SPTBN1: variants seen among roughly 807,000 people sequenced by gnomAD.
SPTBN1 encodes spectrin beta, non-erythrocytic 1, also known as spectrin beta chain, non-erythrocytic 1.
A neutral mutation model predicts 266.4 loss-of-function variants in SPTBN1; 32 were observed. The observed-to-expected ratio is 0.12, with a 90% confidence interval of 0.09 to 0.16. The LOEUF is 0.16. Ranked by LOEUF, SPTBN1 falls within the 10% of genes least tolerant of loss-of-function variation. The pLI is 1.00. For synonymous variants in SPTBN1, 1,336 were observed against 1,162.2 expected (o/e 1.15, Z -3.04); for missense variants, 2,296 against 3,067.1 (o/e 0.75, Z 5.94).
At chr2:54,465,232 C>T (rs12621180) in intron 1 of SPTBN1, among the ~76,000 whole-genome samples, 5,548 of 152,158 alleles carry the variant, frequency 0.036, 281 homozygotes, top group East Asian at 0.13. Flanking sequence ...TGTATTAATT[C>T]TCTACACTAA....
intron 2 of SPTBN1, among the ~76,000 whole-genome samples, chr2:54,576,689 T>A (rs993539895): frequency 2.0e-5 from 3 of 152,168 alleles, no homozygotes; most frequent in Non-Finnish European, 4.4e-5. Flanking sequence ...TGAAGATCAC[T>A]GAGGGAGCCA....
intron 29 of SPTBN1, among the ~76,000 whole-genome samples, chr2:54,656,940 C>T (rs1680707396): frequency 6.6e-6 from 1 of 152,210 alleles, no homozygotes; most frequent in Non-Finnish European, 1.5e-5. Flanking sequence ...CAGTAAGTCC[C>T]TAGTGCAGAG....
At position 54,668,599 on chromosome 2, in the gene SPTBN1, T is replaced by G; in HGVS notation, c.*30T>G. On this transcript the variant is annotated 3_prime_UTR_variant, in exon 36 of 36. Coordinates refer to ENST00000356805, the MANE Select transcript of SPTBN1 (RefSeq NM_003128.3). The stretch of plus-strand genomic sequence containing the variant: ...CTTTCCTTCACCTCCTGCCCTTCTC[T>G]TACCTTTTCAGTGAAATTCCAGCAT... 6.4e-7 allele frequency: 1 copy of G among 1,570,128 alleles called. No individual in the cohort carries two copies. Among genetic ancestry groups the G allele is most frequent in the Non-Finnish European group, 8.7e-7 (1 of 1,155,588 alleles).
chr2:54,532,133 C>G (rs1390587323), intron 2 of SPTBN1, among the ~76,000 whole-genome samples: 1 of 152,022 alleles, frequency 6.6e-6, no homozygotes, highest in Non-Finnish European at 1.5e-5. Context: ...GCTAAAAATA[C>G]AAAAAATTAG....
At position 54,649,544 on chromosome 2, in the gene SPTBN1, G is replaced by C; in HGVS notation, c.5203-71G>C. ...GCTTAGAGGCAGTTTCTTTCCAAAG[G>C]GTATTCATGTGATCAAGAAATACAG... On this transcript the variant is annotated intron_variant, in intron 25 of 35. Coordinates refer to ENST00000356805, the MANE Select transcript of SPTBN1 (RefSeq NM_003128.3). This position sits in a 1 kb window ranked among gnomAD's most constrained non-coding sequence, Gnocchi z 6.7. 5.8e-6 allele frequency: 9 copies of C among 1,545,692 alleles called. No individual in the cohort carries two copies. Among genetic ancestry groups the C allele is most frequent in the Non-Finnish European group, 7.0e-6 (8 of 1,143,672 alleles).
Position 54,593,468 on chromosome 2 carries a change from C to T in SPTBN1, c.149-5624C>T, listed in dbSNP as rs181655271. ...TGGACTGCCAGAGCTGCAGCTGCCT[C>T]GAGTCCTGGGTTGTGTTGGTAGGTA... On this transcript the variant is annotated intron_variant, in intron 2 of 35. Coordinates refer to ENST00000356805, the MANE Select transcript of SPTBN1 (RefSeq NM_003128.3). Among the ~76,000 whole-genome samples, 36 of 152,188 alleles carry T rather than the reference C, an allele frequency of 2.4e-4. No homozygotes were observed. The East Asian group carries it at 2.5e-3, about 11-fold the overall frequency.
chr2:54,670,004 T>A lies in SPTBN1; in HGVS notation c.*1435T>A, dbSNP rs1230672863. ...TATTTTAGGCTTTGTAGGCCGTAAC[T>A]GTCTCTGTTGCTCAATTCTGCTGTT... On this transcript the variant is annotated 3_prime_UTR_variant, in exon 36 of 36. Coordinates refer to ENST00000356805, the MANE Select transcript of SPTBN1 (RefSeq NM_003128.3). The A allele has an allele frequency of 6.6e-6, 1 of 152,236 alleles. No individual in the cohort carries two copies. The highest frequency in any genetic ancestry group is 1.9e-4 in the East Asian group (1 of 5,204). The allele number at this position is 152,236 out of a possible 1,614,324, so 9.4% of individuals were successfully genotyped here. A position where few individuals can be genotyped will look rare whatever the true frequency, so the allele number is the denominator to read the frequency against.
intron 2 of SPTBN1, among the ~76,000 whole-genome samples, chr2:54,581,577 C>CTTTTT (rs70944181): frequency 0.039 from 3,973 of 102,118 alleles, 240 homozygotes; most frequent in African/African-American, 0.14. Context: ...TTTCTTTGCC[C>CTTTTT]TTTTTTTTTT....
intron 1 of SPTBN1, among the ~76,000 whole-genome samples, chr2:54,511,582 G>T (rs1200897277): frequency 6.6e-6 from 1 of 152,012 alleles, no homozygotes; most frequent in East Asian, 1.9e-4. Context: ...AAATAATTCT[G>T]GCCGGACATG....
intron 32 of SPTBN1, chr2:54,662,419 C>A: frequency 1.4e-6 from 1 of 705,982 alleles, no homozygotes; most frequent in Non-Finnish European, 1.7e-6. Flanking sequence ...ATTTTTGCTG[C>A]AGAATTATCC....
chr2:54,585,080 A>G (rs1675200650), intron 2 of SPTBN1, among the ~76,000 whole-genome samples: 1 of 152,198 alleles, frequency 6.6e-6, no homozygotes, highest in South Asian at 2.1e-4. Context: ...AACAACAGAA[A>G]AATCAGATCT....
chr2:54,587,034 C>G (rs1675340603), intron 2 of SPTBN1, among the ~76,000 whole-genome samples: 1 of 152,126 alleles, frequency 6.6e-6, no homozygotes. Context: ...GGCCGGGGAG[C>G]ATGTTATTTG....
At chr2:54,516,500 T>C (rs1670117625) in intron 1 of SPTBN1, among the ~76,000 whole-genome samples, 1 of 152,332 alleles carries the variant, frequency 6.6e-6, no homozygotes, top group East Asian at 1.9e-4. Flanking sequence ...GATTGAGTTG[T>C]TTAACTCTTG....
intron 29 of SPTBN1, 34 bp downstream of exon 29, chr2:54,656,032 G>A (rs1572766516): frequency 1.3e-6 from 2 of 1,550,624 alleles, no homozygotes; most frequent in Non-Finnish European, 8.9e-7. Context: ...GCTCTTTTGG[G>A]TATCAATGGA....
At chr2:54,658,767 C>T (rs1680842445) in intron 30 of SPTBN1, among the ~76,000 whole-genome samples, 2 of 152,302 alleles carry the variant, frequency 1.3e-5, no homozygotes, top group African/African-American at 4.8e-5. Flanking sequence ...CAAGCGGCTT[C>T]CTTGAGAATT....
At chr2:54,643,520 T>A (rs1558461677) in intron 19 of SPTBN1, among the ~76,000 whole-genome samples, 3 of 152,174 alleles carry the variant, frequency 2.0e-5, no homozygotes, top group Admixed American at 1.3e-4. Flanking sequence ...TAAAATTGCT[T>A]TTTCCTATGA....
At chr2:54,489,542 A>C (rs1258182799) in intron 1 of SPTBN1, among the ~76,000 whole-genome samples, 1 of 152,170 alleles carries the variant, frequency 6.6e-6, no homozygotes, top group Non-Finnish European at 1.5e-5. Flanking sequence ...CTTACTAAAA[A>C]TACAAAAATT....
chr2:54,562,833 C>G (rs1337304361), intron 2 of SPTBN1, among the ~76,000 whole-genome samples: 1 of 152,012 alleles, frequency 6.6e-6, no homozygotes, highest in East Asian at 1.9e-4. Context: ...GCTGGGATCA[C>G]AGGTGTGAGC....
chr2:54,541,501 G>T (rs756913122), intron 2 of SPTBN1, among the ~76,000 whole-genome samples: 1 of 152,166 alleles, frequency 6.6e-6, no homozygotes, highest in Non-Finnish European at 1.5e-5. Flanking sequence ...AGTTGTTCCC[G>T]TGCAGCTTTG....
Sources: gnomAD v4.1 joint callset for allele counts (sites outside exome capture counted in the v4.1 genomes callset) on GRCh38, gnomAD v4.1.1 for gene constraint, Gnocchi (gnomAD v3.1) non-coding constraint, MANE v1.5 for transcripts, NCBI Gene and HGNC (gene_info 2026-07-23, HGNC 2026-07-21) for gene names.